Variants in L3MBTL4 observed in about 807,000 individuals in gnomAD.
L3MBTL4 encodes L3MBTL histone methyl-lysine binding protein 4.
L3MBTL4 carries 70 observed loss-of-function variants against 84.5 expected under a neutral mutation model. The observed-to-expected ratio is 0.83, with a 90% CI of 0.68 to 1.01. The LOEUF (loss-of-function observed/expected upper bound fraction) is 1.01. L3MBTL4 is among the 50% of genes least tolerant of loss of function. L3MBTL4 has a pLI of 0.00. For missense variants in L3MBTL4, 715 were observed against 754.8 expected (o/e 0.95, Z 0.62); for synonymous variants, 274 against 259.8 (o/e 1.05, Z -0.52).
intron 16 of L3MBTL4, among the ~76,000 whole-genome samples, chr18:6,049,365 C>T (rs1376073846): frequency 6.6e-6 from 1 of 152,106 alleles, no homozygotes; most frequent in East Asian, 1.9e-4. Context: ...GTTTAATGTC[C>T]AGAATCTATA....
At chr18:5,965,866 TC>T (rs1333503560) in intron 17 of L3MBTL4, among the ~76,000 whole-genome samples, 1 of 152,170 alleles carries the variant, frequency 6.6e-6, no homozygotes, top group East Asian at 1.9e-4. Flanking sequence ...AAAATGGTTT[TC>T]CCTGGAGTGC....
intron 1 of L3MBTL4, among the ~76,000 whole-genome samples, chr18:6,376,322 C>A (rs1169342758): frequency 2.6e-5 from 4 of 152,240 alleles, no homozygotes; most frequent in Non-Finnish European, 5.9e-5. Flanking sequence ...CACAGTAGCA[C>A]CCCCTGACTC....
chr18:6,295,040 A>G (rs866323800), intron 4 of L3MBTL4, among the ~76,000 whole-genome samples: 2 of 152,128 alleles, frequency 1.3e-5, no homozygotes, highest in Non-Finnish European at 2.9e-5. Flanking sequence ...TTGGGAAGCC[A>G]TTGTGGACAG....
At chr18:6,006,985 TA>T (rs1302429532) in intron 16 of L3MBTL4, among the ~76,000 whole-genome samples, 2 of 151,936 alleles carry the variant, frequency 1.3e-5, no homozygotes, top group Non-Finnish European at 2.9e-5. Flanking sequence ...ATACAACCCA[TA>T]AAAAAAGTTG....
chr18:6,036,010 T>C (rs527353894), intron 16 of L3MBTL4, among the ~76,000 whole-genome samples: 1 of 152,240 alleles, frequency 6.6e-6, no homozygotes, highest in Non-Finnish European at 1.5e-5. Context: ...TTGTGTTTTT[T>C]AGTACTGAAT....
chr18:6,277,090 A>C (rs1293618466), intron 4 of L3MBTL4, among the ~76,000 whole-genome samples: 1 of 143,084 alleles, frequency 7.0e-6, no homozygotes, highest in African/African-American at 2.6e-5. Context: ...ATGTCTCTTA[A>C]AAATATTCTC....
At chr18:6,234,474 AAAAC>A (rs764898713) in intron 10 of L3MBTL4, among the ~76,000 whole-genome samples, 1 of 152,206 alleles carries the variant, frequency 6.6e-6, no homozygotes, top group Admixed American at 6.5e-5. Context: ...TTACAAGAAA[AAAAC>A]AAACAACCCC....
At chr18:6,173,033 C>A (rs1428338973) in intron 12 of L3MBTL4, among the ~76,000 whole-genome samples, 2 of 152,182 alleles carry the variant, frequency 1.3e-5, no homozygotes, top group South Asian at 2.1e-4. Flanking sequence ...AATGCAAATT[C>A]TTGGCTCCAC....
intron 16 of L3MBTL4, among the ~76,000 whole-genome samples, chr18:6,014,608 G>A (rs1207015624): frequency 6.6e-6 from 1 of 152,108 alleles, no homozygotes; most frequent in Non-Finnish European, 1.5e-5. Context: ...AGAGGTGAGA[G>A]GAGCCTGGAG....
chr18:6,217,014 C>A (rs913252023), intron 10 of L3MBTL4, among the ~76,000 whole-genome samples: 3 of 152,082 alleles, frequency 2.0e-5, no homozygotes, highest in African/African-American at 7.2e-5. Context: ...CTATATTATG[C>A]AAAAATCTGT....
chr18:6,298,026 T>C (rs549334110), intron 4 of L3MBTL4, among the ~76,000 whole-genome samples: 1 of 152,356 alleles, frequency 6.6e-6, no homozygotes, highest in Admixed American at 6.5e-5. Context: ...GGAATGCACA[T>C]GCTGATATCA....
intron 13 of L3MBTL4, among the ~76,000 whole-genome samples, chr18:6,162,056 A>G (rs918768636): frequency 6.6e-6 from 1 of 151,904 alleles, no homozygotes; most frequent in Non-Finnish European, 1.5e-5. Context: ...TTGTTGAAAA[A>G]AGGGAAAATA....
chr18:6,095,799 A>G (rs980896687), intron 14 of L3MBTL4, among the ~76,000 whole-genome samples: 1 of 152,196 alleles, frequency 6.6e-6, no homozygotes, highest in Non-Finnish European at 1.5e-5. Context: ...AGGCCAGCAT[A>G]CGCTTGAGTC....
At chr18:6,381,597 G>A (rs1326320662) in intron 1 of L3MBTL4, among the ~76,000 whole-genome samples, 1 of 152,250 alleles carries the variant, frequency 6.6e-6, no homozygotes, top group Non-Finnish European at 1.5e-5. Context: ...ATGAAGCTTA[G>A]TTAGGCTGGA....
chr18:5,987,339 A>G (rs1598365927), intron 16 of L3MBTL4, among the ~76,000 whole-genome samples: 1 of 152,394 alleles, frequency 6.6e-6, no homozygotes, highest in East Asian at 1.9e-4. Context: ...ACAAATTCAC[A>G]TTAATCTAAC....
At chr18:6,280,078 G>T (rs971851251) in intron 4 of L3MBTL4, among the ~76,000 whole-genome samples, 2 of 152,066 alleles carry the variant, frequency 1.3e-5, no homozygotes, top group Admixed American at 6.5e-5. Flanking sequence ...CAACTCCACA[G>T]CTCGCTAACC....
chr18:6,412,608 G>C (rs1834586), intron 1 of L3MBTL4, among the ~76,000 whole-genome samples: 86,580 of 151,698 alleles, frequency 0.57, 25,078 homozygotes, highest in East Asian at 0.79. Context: ...TCTTCCTTCA[G>C]AGTCAGCCTG....
At chr18:6,359,515 GT>G (rs2053588205) in intron 1 of L3MBTL4, among the ~76,000 whole-genome samples, 1 of 151,788 alleles carries the variant, frequency 6.6e-6, no homozygotes, top group East Asian at 1.9e-4. Flanking sequence ...GCTAAAATAA[GT>G]TTTCTCTAAA....
rs117191554 is a variant in L3MBTL4 at position 6,298,527 on chromosome 18, T to C, written c.127+3376A>G. On this transcript the variant is annotated intron_variant, in intron 4 of 18. Transcript: ENST00000317931. ...GTAGAGAGTTTAATTTAGATATGCA[T>C]ACACCTAATTTTCTTTTACAATTTC... 1.0e-3 allele frequency among the ~76,000 whole-genome samples: 159 copies of C among 152,320 alleles called. 6 individuals carry two copies. In the East Asian group the frequency reaches 0.027, roughly 26 times the overall value.
Sources: gnomAD v4.1 joint callset for allele counts (sites outside exome capture counted in the v4.1 genomes callset) on GRCh38, gnomAD v4.1.1 for gene constraint, MANE v1.5 for transcripts, NCBI Gene and HGNC (gene_info 2026-07-23, HGNC 2026-07-21) for gene names.